CYSTM1: variants seen among roughly 807,000 people sequenced by gnomAD.
The protein encoded by CYSTM1 is cysteine-rich transmembrane module-containing protein 1.
In CYSTM1, 4 loss-of-function variants were observed where a neutral mutation model predicts 13.1. That is an observed-to-expected ratio of 0.31 (90% CI 0.15 to 0.70). The LOEUF (loss-of-function observed/expected upper bound fraction) is 0.70, where lower values mean the gene tolerates loss of function less well. CYSTM1 is among the 30% of genes least tolerant of loss of function. The pLI, the probability that CYSTM1 is intolerant of heterozygous loss-of-function variation, is 0.72. For synonymous variants in CYSTM1, 36 were observed against 42.7 expected, an observed-to-expected ratio of 0.84 and a Z score of 0.62; for missense variants, 96 against 121.6, an observed-to-expected ratio of 0.79 and a Z score of 0.99.
chr5:140,178,289 G>A (rs574086547), intron 1 of CYSTM1, among the ~76,000 whole-genome samples: 2 of 152,174 alleles, frequency 1.3e-5, no homozygotes, highest in East Asian at 3.9e-4. Flanking sequence ...GAGGTACCAA[G>A]GAGAATTAAT....
chr5:140,210,967 C>G (rs982844577), intron 2 of CYSTM1, among the ~76,000 whole-genome samples: 1 of 152,176 alleles, frequency 6.6e-6, no homozygotes. Flanking sequence ...GAACTCTCTC[C>G]TGACTGGACA....
Position 140,219,118 on chromosome 5 carries a change from G to C in CYSTM1, c.188-24187G>C, listed in dbSNP as rs1027361921. 3.9e-5 allele frequency among the ~76,000 whole-genome samples: 6 copies of C among 152,108 alleles called. No individual in the cohort carries two copies. Among genetic ancestry groups the C allele is most frequent in the Non-Finnish European group, 8.8e-5 (6 of 68,020 alleles). ...CCTGTCTTCCAGGGCCAGAGTCCTAGTTACAGTCGTACAAGCCAGGCCACC... is the reference window on the plus strand; with the variant it reads ...CCTGTCTTCCAGGGCCAGAGTCCTACTTACAGTCGTACAAGCCAGGCCACC... On this transcript the variant is annotated intron_variant, in intron 2 of 2. Coordinates refer to ENST00000261811, the MANE Select transcript of CYSTM1 (RefSeq NM_032412.4). The surrounding 1 kb of genome is among the most constrained non-coding windows in gnomAD (Gnocchi z 4.1).
chr5:140,225,671 A>G (rs901970697), intron 2 of CYSTM1, among the ~76,000 whole-genome samples: 1 of 152,246 alleles, frequency 6.6e-6, no homozygotes, highest in Middle Eastern at 3.2e-3. Context: ...GTTGAGGCCA[A>G]AGGAAAACTG....
At chr5:140,237,061 C>T (rs1325386473) in intron 2 of CYSTM1, among the ~76,000 whole-genome samples, 2 of 152,252 alleles carry the variant, frequency 1.3e-5, no homozygotes, top group African/African-American at 4.8e-5. Flanking sequence ...CCTCAGCAGC[C>T]ACTCCTTCTC....
chr5:140,199,559 TGA>T (rs2126659232), intron 2 of CYSTM1, among the ~76,000 whole-genome samples: 1 of 152,298 alleles, frequency 6.6e-6, no homozygotes, highest in Non-Finnish European at 1.5e-5. Flanking sequence ...GGCGCGATCT[TGA>T]CTTACTGCAA....
intron 2 of CYSTM1, among the ~76,000 whole-genome samples, chr5:140,215,910 G>A (rs1764420631): frequency 6.6e-6 from 1 of 152,180 alleles, no homozygotes; most frequent in South Asian, 2.1e-4. Context: ...GGAGGTCAAG[G>A]TGGGTGGATC....
chr5:140,187,171 C>CTTTTTT, intron 1 of CYSTM1, among the ~76,000 whole-genome samples: 1 of 145,998 alleles, frequency 6.8e-6, no homozygotes, highest in Non-Finnish European at 1.5e-5. Context: ...AATTCTAAAA[C>CTTTTTT]TTTTTTTTTT....
intron 2 of CYSTM1, among the ~76,000 whole-genome samples, chr5:140,238,867 G>A (rs1188628896): frequency 6.6e-6 from 1 of 152,192 alleles, no homozygotes; most frequent in East Asian, 1.9e-4. Context: ...CAGACTACAG[G>A]TCCTCCTGCC....
intron 1 of CYSTM1, among the ~76,000 whole-genome samples, chr5:140,186,353 G>C (rs1289440372): frequency 6.6e-6 from 1 of 152,186 alleles, no homozygotes; most frequent in African/African-American, 2.4e-5. Flanking sequence ...CTGACCCTTT[G>C]GCCTCATCCC....
rs1334106681 is a variant in CYSTM1 at position 140,235,167 on chromosome 5, C to T, written c.188-8138C>T. Among the ~76,000 whole-genome samples, 3 of 151,190 alleles carry T rather than the reference C, an allele frequency of 2.0e-5. No homozygotes were observed. The East Asian group carries it at 5.9e-4, about 30-fold the overall frequency. On this transcript the variant is annotated intron_variant, in intron 2 of 2. Coordinates refer to ENST00000261811, the MANE Select transcript of CYSTM1 (RefSeq NM_032412.4). ...CTTTTTAGTAGAGATGGGGTTTCGC[C>T]ATGTTGGCCAGGCTGGTCTTGAACT...
At position 140,194,312 on chromosome 5, in the gene CYSTM1, G is replaced by A. The variant is rs528344225; in HGVS notation, c.-20-134G>A. On this transcript the variant is annotated intron_variant, in intron 1 of 2. Coordinates refer to ENST00000261811, the MANE Select transcript of CYSTM1 (RefSeq NM_032412.4). ...AGTGATGGTGAGAAGGAAACAAAAT[G>A]GGCAGAGCTAGAGATTTGCACAAGG... The A allele has an allele frequency of 5.1e-6, 4 of 789,272 alleles. No homozygotes were observed. In the East Asian group the frequency reaches 9.3e-5, roughly 18 times the overall value. The allele number at this position is 789,272 out of a possible 1,614,324, so 48.9% of individuals were successfully genotyped here. A position where few individuals can be genotyped will look rare whatever the true frequency, so the allele number is the denominator to read the frequency against.
intron 2 of CYSTM1, among the ~76,000 whole-genome samples, chr5:140,199,005 G>T (rs1025425603): frequency 6.6e-6 from 1 of 151,952 alleles, no homozygotes; most frequent in African/African-American, 2.4e-5. Context: ...CCCTCCCTGT[G>T]TCCATGTGTT....
chr5:140,192,189 T>C (rs974096441), intron 1 of CYSTM1, among the ~76,000 whole-genome samples: 2 of 152,202 alleles, frequency 1.3e-5, no homozygotes, highest in African/African-American at 4.8e-5. Flanking sequence ...ACTCTCTTGA[T>C]CAGCACCTCC....
intron 2 of CYSTM1, among the ~76,000 whole-genome samples, chr5:140,209,060 A>G (rs1366277122): frequency 6.6e-6 from 1 of 151,782 alleles, no homozygotes; most frequent in East Asian, 1.9e-4. Context: ...AAAAGAATTA[A>G]GGTCTTCTCT....
At chr5:140,193,656 C>A (rs1271621185) in intron 1 of CYSTM1, among the ~76,000 whole-genome samples, 1 of 152,214 alleles carries the variant, frequency 6.6e-6, no homozygotes, top group Non-Finnish European at 1.5e-5. Context: ...GACGCTGGCC[C>A]TGAAAACTTC....
At chr5:140,176,908 A>T (rs1325369431) in intron 1 of CYSTM1, among the ~76,000 whole-genome samples, 1 of 151,920 alleles carries the variant, frequency 6.6e-6, no homozygotes, top group Non-Finnish European at 1.5e-5. Flanking sequence ...TCTCTACTAA[A>T]AATATAAAAA....
chr5:140,243,395 G>A lies in CYSTM1; in HGVS notation c.278G>A (p.Trp93Ter). 6.2e-7 allele frequency: 1 copy of A among 1,613,976 alleles called. No homozygotes were observed. Among genetic ancestry groups the A allele is most frequent in the Non-Finnish European group, 8.5e-7 (1 of 1,179,988 alleles). The change falls in exon 3 of 3, where the codon TGG (tryptophan) becomes TAG (stop). Residue 93 changes from tryptophan to a stop codon, truncating the protein, a stop_gained. Transcript: ENST00000261811. LOFTEE classifies it high-confidence loss of function. ...ACGGCTCTCTGTTGCTGCTGTCTCT[G>A]GGACATGCTCACCTGACCAGACCAG... ...CWTALCCCCLWDMLT is the reference protein window; with the variant it reads ...CWTALCCCCL
chr5:140,216,997 A>G (rs1764436354), intron 2 of CYSTM1, among the ~76,000 whole-genome samples: 2 of 152,162 alleles, frequency 1.3e-5, no homozygotes, highest in Non-Finnish European at 2.9e-5. Context: ...ACACTTGCTT[A>G]AAGACTATAA....
chr5:140,202,899 A>T (rs1475728781), intron 2 of CYSTM1: 1 of 151,898 alleles, frequency 6.6e-6, no homozygotes, highest in Non-Finnish European at 1.5e-5. Flanking sequence ...ATTAACTTCA[A>T]CCCTATTCTG....
Sources: gnomAD v4.1 joint callset for allele counts (sites outside exome capture counted in the v4.1 genomes callset) on GRCh38, gnomAD v4.1.1 for gene constraint, Gnocchi (gnomAD v3.1) non-coding constraint, MANE v1.5 for transcripts, NCBI Gene and HGNC (gene_info 2026-07-23, HGNC 2026-07-21) for gene names.